The following ADAMTSL3 variants were observed in gnomAD, a reference collection of about 807,000 sequenced individuals.
ADAMTSL3 encodes ADAMTS like 3, also known as ADAMTS-like protein 3.
ADAMTSL3 carries 128 observed loss-of-function variants against 201.7 expected under a neutral mutation model. The ratio of observed to expected loss-of-function variants is 0.63; its 90% CI spans 0.55 to 0.73. The LOEUF (loss-of-function observed/expected upper bound fraction) is 0.73. Among genes scored for constraint, ADAMTSL3 ranks in the 30% least tolerant of loss-of-function variants. The pLI is 0.00. For synonymous variants in ADAMTSL3, 738 were observed against 748.4 expected (o/e 0.99, Z 0.23); for missense variants, 1,990 against 2,119.6 (o/e 0.94, Z 1.20).
intron 2 of ADAMTSL3, 65 bp downstream of exon 2, chr15:83,655,895 T>C: frequency 1.3e-6 from 2 of 1,489,446 alleles, no homozygotes; most frequent in East Asian, 2.3e-5. Context: ...GAGGCATTAT[T>C]GTATACCACC....
chr15:83,656,756 G>A (rs965461430), intron 2 of ADAMTSL3, among the ~76,000 whole-genome samples: 4 of 152,144 alleles, frequency 2.6e-5, no homozygotes, highest in African/African-American at 9.7e-5. Flanking sequence ...TACATGGCTT[G>A]GTGGCCTGTG....
At chr15:84,035,912 G>A (rs183939625) in intron 28 of ADAMTSL3, among the ~76,000 whole-genome samples, 11 of 152,042 alleles carry the variant, frequency 7.2e-5, no homozygotes, top group African/African-American at 2.7e-4. Context: ...TATATTTCTG[G>A]CCGATGTGGA....
At chr15:83,831,428 T>C (rs1567175729) in intron 6 of ADAMTSL3, among the ~76,000 whole-genome samples, 1 of 152,158 alleles carries the variant, frequency 6.6e-6, no homozygotes, top group Non-Finnish European at 1.5e-5. Flanking sequence ...CCAGAGGGGA[T>C]GTCAGGTTCA....
chr15:83,821,731 A>G (rs1360075343), intron 6 of ADAMTSL3, among the ~76,000 whole-genome samples: 3 of 152,206 alleles, frequency 2.0e-5, no homozygotes, highest in South Asian at 2.1e-4. Flanking sequence ...CGTTGTCGTC[A>G]TGGCCCGTTC....
At chr15:83,705,495 C>T (rs1294689125) in intron 3 of ADAMTSL3, among the ~76,000 whole-genome samples, 1 of 152,184 alleles carries the variant, frequency 6.6e-6, no homozygotes, top group East Asian at 1.9e-4. Flanking sequence ...GAAATTCAGT[C>T]TGCCAACATG....
chr15:83,864,837 G>C (rs1192051718), intron 8 of ADAMTSL3, among the ~76,000 whole-genome samples: 2 of 152,222 alleles, frequency 1.3e-5, no homozygotes, highest in Admixed American at 6.5e-5. Context: ...CCTGTTTGCA[G>C]ATGACATGAT....
intron 9 of ADAMTSL3, among the ~76,000 whole-genome samples, chr15:83,882,966 A>G (rs1237613978): frequency 6.6e-6 from 1 of 151,944 alleles, no homozygotes; most frequent in African/African-American, 2.4e-5. Context: ...ATCATTAAAT[A>G]TTGTCTCTTC....
intron 2 of ADAMTSL3, among the ~76,000 whole-genome samples, chr15:83,672,162 G>T (rs934414482): frequency 2.6e-5 from 4 of 152,204 alleles, no homozygotes; most frequent in African/African-American, 4.8e-5. Context: ...CTGGGAATCA[G>T]AGTAGAGAAT....
chr15:83,767,453 G>A (rs2062910983), intron 3 of ADAMTSL3, among the ~76,000 whole-genome samples: 2 of 152,164 alleles, frequency 1.3e-5, no homozygotes, highest in South Asian at 4.1e-4. Context: ...ATAATTACTT[G>A]AGACAACCTA....
intron 15 of ADAMTSL3, among the ~76,000 whole-genome samples, chr15:83,900,758 A>G (rs866474317): frequency 4.6e-5 from 7 of 152,186 alleles, no homozygotes; most frequent in South Asian, 2.1e-4. Flanking sequence ...GATGAGACAG[A>G]ATAGACCTCC....
At position 84,025,381 on chromosome 15, in the gene ADAMTSL3, T is replaced by A; in HGVS notation, c.4601T>A (p.Leu1534Gln). The A allele has an allele frequency of 6.2e-7, 1 of 1,614,092 alleles. No homozygotes were observed. Among genetic ancestry groups the A allele is most frequent in the Non-Finnish European group, 8.5e-7 (1 of 1,180,008 alleles). The change falls in exon 27 of 30, where the codon CTG (leucine) becomes CAG (glutamine). Residue 1534 changes from leucine to glutamine, a missense_variant. By Grantham distance (113) the Leu-to-Gln change is moderately radical (BLOSUM62 -2). Coordinates refer to ENST00000286744, the MANE Select transcript of ADAMTSL3 (RefSeq NM_207517.3). ...PRACAPKDRP[L>Q]GRKPCFGHPC... ...GCATGTGCCCCTAAAGACCGGCCTC[T>A]GGGAAGAAAACCATGTTTTGGTCAT...
intron 4 of ADAMTSL3, among the ~76,000 whole-genome samples, chr15:83,781,645 C>G (rs987488290): frequency 1.3e-5 from 2 of 151,804 alleles, no homozygotes; most frequent in African/African-American, 4.8e-5. Context: ...GCAAAGGAAA[C>G]TATCAATAGA....
chr15:83,995,279 A>G (rs1306249545), intron 23 of ADAMTSL3, among the ~76,000 whole-genome samples: 1 of 152,188 alleles, frequency 6.6e-6, no homozygotes, highest in Non-Finnish European at 1.5e-5. Flanking sequence ...ATTTAAGGAG[A>G]TAAAATTTAG....
intron 9 of ADAMTSL3, among the ~76,000 whole-genome samples, chr15:83,874,890 A>G (rs2065150203): frequency 6.9e-6 from 1 of 145,696 alleles, no homozygotes; most frequent in African/African-American, 2.6e-5. Context: ...GAACAAGACG[A>G]TGTGATCTCC....
intron 4 of ADAMTSL3, among the ~76,000 whole-genome samples, chr15:83,780,164 C>T (rs890038755): frequency 3.9e-5 from 6 of 152,060 alleles, no homozygotes; most frequent in Non-Finnish European, 8.8e-5. Flanking sequence ...AATCCTAGAG[C>T]TTTGGGAGGC....
Position 84,037,910 on chromosome 15 carries a change from AT to A in ADAMTSL3, c.*106del. On this transcript the variant is annotated 3_prime_UTR_variant, in exon 30 of 30. Coordinates refer to ENST00000286744, the MANE Select transcript of ADAMTSL3 (RefSeq NM_207517.3). ...AAACATGTATTTCTTAAAAGACTAG[AT>A]TCTATGGATCAAACAGAGGTTGATG... The A allele has an allele frequency of 6.9e-7, 1 of 1,445,184 alleles. No individual in the cohort carries two copies. The highest frequency in any genetic ancestry group is 9.1e-7 in the Non-Finnish European group (1 of 1,095,460). The allele number at this position is 1,445,184 out of a possible 1,614,324, so 89.5% of individuals were successfully genotyped here. A position where few individuals can be genotyped will look rare whatever the true frequency, so the allele number is the denominator to read the frequency against.
At chr15:83,822,323 C>T (rs1315474311) in intron 6 of ADAMTSL3, among the ~76,000 whole-genome samples, 9 of 118,384 alleles carry the variant, frequency 7.6e-5, no homozygotes, top group Middle Eastern at 6.0e-3. Context: ...TCAGACGGGG[C>T]GGCTGCCGGG....
intron 3 of ADAMTSL3, among the ~76,000 whole-genome samples, chr15:83,750,530 T>C (rs1223403935): frequency 2.0e-5 from 3 of 151,040 alleles, no homozygotes; most frequent in African/African-American, 7.3e-5. Context: ...TTTTTCAAAA[T>C]GGTTCACAGA....
At chr15:83,824,524 T>C (rs747222959) in intron 6 of ADAMTSL3, among the ~76,000 whole-genome samples, 57 of 152,196 alleles carry the variant, frequency 3.7e-4, no homozygotes, top group Admixed American at 2.3e-3. Flanking sequence ...GCCTCACTCT[T>C]GGTGTTGTAA....
Sources: gnomAD v4.1 joint callset for allele counts (sites outside exome capture counted in the v4.1 genomes callset) on GRCh38, gnomAD v4.1.1 for gene constraint, MANE v1.5 for transcripts, NCBI Gene and HGNC (gene_info 2026-07-23, HGNC 2026-07-21) for gene names.